The following OAT variants were observed in gnomAD, a reference collection of about 807,000 sequenced individuals.
OAT encodes the protein ornithine aminotransferase, mitochondrial.
OAT carries 35 observed loss-of-function variants against 48.4 expected under a neutral mutation model. The ratio of observed to expected loss-of-function variants is 0.72; its 90% CI spans 0.55 to 0.96. The LOEUF (loss-of-function observed/expected upper bound fraction) is 0.96, where lower values mean the gene tolerates loss of function less well. Ranked by LOEUF, OAT falls within the 40% of genes least tolerant of loss-of-function variation. OAT has a pLI of 0.00. For missense variants in OAT, 438 were observed against 537.9 expected (o/e 0.81, Z 1.84); for synonymous variants, 182 against 198.4 (o/e 0.92, Z 0.70).
At chr10:124,401,915 G>A (rs1387588967) in intron 7 of OAT, 76 bp from the exon 8 acceptor site, 12 of 1,095,218 alleles carry the variant, frequency 1.1e-5, no homozygotes, top group African/African-American at 1.5e-5. Context: ...CCAGAGTCTC[G>A]CTGTCACCCA....
intron 4 of OAT, chr10:124,405,933 T>C: frequency 6.1e-6 from 7 of 1,146,818 alleles, no homozygotes; most frequent in Non-Finnish European, 7.6e-6. Flanking sequence ...GCATTTATGA[T>C]AGTGATATGA....
intron 1 of OAT, 21 bp from the exon 2 acceptor site, chr10:124,412,221 G>A (rs1454585528): frequency 1.3e-6 from 2 of 1,550,850 alleles, no homozygotes; most frequent in East Asian, 2.2e-5. Context: ...AAAAGAGAAT[G>A]CATTAAGAGT....
chr10:124,407,112 C>T, intron 4 of OAT: 1 of 985,418 alleles, frequency 1.0e-6, no homozygotes, highest in Non-Finnish European at 1.2e-6. Flanking sequence ...CTTGCAAAGC[C>T]TCTTTCACCA....
intron 4 of OAT, among the ~76,000 whole-genome samples, chr10:124,408,338 T>C (rs1296834364): frequency 3.9e-5 from 4 of 101,392 alleles, no homozygotes; most frequent in African/African-American, 1.4e-4. Flanking sequence ...TATATATATA[T>C]ATATATTTTT....
At position 124,401,777 on chromosome 10, in the gene OAT, G is replaced by A; in HGVS notation, c.963C>T (p.Ser321=). ...AGCCTAGTGGATTGCCACCGTATGT[G>A]GACCCATGCTCCCCTGGCTTAATGG... ...MLTIKPGEHG[S]TYGGNPLGCR... Residue 321 remains serine, a synonymous_variant, in exon 8 of 10, where the codon TCC becomes TCT. Coordinates refer to ENST00000368845, the MANE Select transcript of OAT (RefSeq NM_000274.4). 1 of 1,613,242 alleles carries A rather than the reference G, an allele frequency of 6.2e-7. No individual in the cohort carries two copies. The highest frequency in any genetic ancestry group is 1.1e-5 in the South Asian group (1 of 91,072).
At chr10:124,418,272 G>C (rs1951981762) in intron 1 of OAT, 2 of 152,348 alleles carry the variant, frequency 1.3e-5, no homozygotes, top group South Asian at 2.1e-4. Context: ...CGATCTGCAG[G>C]GCGCAGGAGC....
At chr10:124,401,492 C>CA (rs781389834) in intron 8 of OAT, among the ~76,000 whole-genome samples, 5 of 152,170 alleles carry the variant, frequency 3.3e-5, no homozygotes, top group Non-Finnish European at 5.9e-5. Flanking sequence ...CCGAAGAACT[C>CA]AAAGCGCCAG....
intron 7 of OAT, among the ~76,000 whole-genome samples, chr10:124,402,048 G>GTTAGTTATTTATTTATTTATTTATTTAT (rs1554864272): frequency 2.6e-5 from 4 of 151,194 alleles, no homozygotes; most frequent in African/African-American, 9.8e-5. Flanking sequence ...CACCACACAT[G>GTTAGTTATTTATTTATTTATTTATTTAT]TTATTTATTT....
chr10:124,402,795 G>A (rs1951448430), intron 7 of OAT, 132 bp downstream of exon 7: 4 of 1,152,490 alleles, frequency 3.5e-6, no homozygotes, highest in Non-Finnish European at 5.1e-6. Context: ...AGATATTCCG[G>A]GTGGCCTGCA....
At chr10:124,418,735 C>A (rs1224717033) in intron 1 of OAT, 138 bp downstream of exon 1, 2 of 152,194 alleles carry the variant, frequency 1.3e-5, no homozygotes, top group Non-Finnish European at 2.9e-5. Flanking sequence ...CCGGCCGAGG[C>A]CCAGCGCGCC....
In OAT at chr10:124,408,838, G is replaced by C. The variant is rs1409185490; in HGVS notation, c.327C>G (p.Thr109=). 7.4e-6 allele frequency: 12 copies of C among 1,612,678 alleles called. No homozygotes were observed. The highest frequency in any genetic ancestry group is 5.0e-5 in the Admixed American group (3 of 59,994). The change falls in exon 3 of 10, where the codon ACC becomes ACG. Residue 109 remains threonine (T), a synonymous_variant. Coordinates refer to ENST00000368845, the MANE Select transcript of OAT (RefSeq NM_000274.4). ...TATTATAGAAAGCTCTAGATGTTAA[G>C]GTCAATTTGTCCACTTGACTCTTCA... is the stretch of plus-strand genomic sequence containing the variant. ...NALKSQVDKL[T]LTSRAFYNNV...
chr10:124,409,806 C>T (rs1013901096), intron 2 of OAT, among the ~76,000 whole-genome samples: 8 of 152,000 alleles, frequency 5.3e-5, no homozygotes, highest in African/African-American at 1.7e-4. Context: ...TGGCAAGAAA[C>T]ACATGAAAAG....
At chr10:124,411,642 C>T (rs1183558738) in intron 2 of OAT, among the ~76,000 whole-genome samples, 1 of 151,906 alleles carries the variant, frequency 6.6e-6, no homozygotes, top group African/African-American at 2.4e-5. Flanking sequence ...ATGGTGAAAC[C>T]CCATCTCTAC....
chr10:124,415,225 AG>A (rs143650153), intron 1 of OAT, among the ~76,000 whole-genome samples: 2,056 of 151,840 alleles, frequency 0.014, 26 homozygotes, highest in Non-Finnish European at 0.022. Context: ...AAGTTTAGGC[AG>A]TTTTATTAAA....
chr10:124,401,013 T>C (rs763627993), intron 8 of OAT, 29 bp from the exon 9 acceptor site: 2 of 1,570,060 alleles, frequency 1.3e-6, no homozygotes, highest in Non-Finnish European at 1.7e-6. Flanking sequence ...TATACAAATA[T>C]TAAGACTGTC....
intron 1 of OAT, among the ~76,000 whole-genome samples, chr10:124,415,987 C>G (rs1228864785): frequency 2.0e-5 from 3 of 152,116 alleles, no homozygotes; most frequent in Non-Finnish European, 2.9e-5. Flanking sequence ...AAAACACAGA[C>G]AAGAAAATTA....
Position 124,398,051 on chromosome 10 carries a change from G to T in OAT, c.1211C>A (p.Ala404Asp). The stretch of plus-strand genomic sequence containing the variant: ...GATAATGTCGCCATGGGTTGGCTTG[G>T]CCAGAAGTCCATTATCTCGAAGTCG... ...CLRLRDNGLL[A>D]KPTHGDIIRF... is the part of the protein sequence containing the mutation. The change falls in exon 10 of 10, where the codon GCC becomes GAC. Residue 404 changes from alanine (A) to aspartate (D), a missense_variant. Physicochemically the swap from Ala to Asp is moderately radical, Grantham distance 126 (BLOSUM62 -2). Transcript: ENST00000368845. The T allele has an allele frequency of 1.2e-6, 2 of 1,614,074 alleles. No individual in the cohort carries two copies. Among genetic ancestry groups the T allele is most frequent in the Non-Finnish European group, 1.7e-6 (2 of 1,179,976 alleles).
chr10:124,408,468 G>A, intron 4 of OAT, 74 bp downstream of exon 4: 1 of 1,332,380 alleles, frequency 7.5e-7, no homozygotes. Context: ...TTACAGGCAT[G>A]AGCCACCATG....
chr10:124,405,390 A>C (rs1336224778), intron 5 of OAT, 46 bp downstream of exon 5: 3 of 1,610,546 alleles, frequency 1.9e-6, no homozygotes, highest in South Asian at 1.1e-5. Context: ...CAACAGCTTT[A>C]ATTTCTATTC....
Sources: gnomAD v4.1 joint callset for allele counts (sites outside exome capture counted in the v4.1 genomes callset) on GRCh38, gnomAD v4.1.1 for gene constraint, MANE v1.5 for transcripts, NCBI Gene and HGNC (gene_info 2026-07-23, HGNC 2026-07-21) for gene names.